FARSB: variants seen among roughly 807,000 people sequenced by gnomAD.
FARSB encodes phenylalanine--tRNA ligase beta subunit.
In FARSB, 40 loss-of-function variants were observed where a neutral mutation model predicts 69.6. The observed-to-expected ratio is 0.57, with a 90% confidence interval of 0.45 to 0.75. The LOEUF (loss-of-function observed/expected upper bound fraction) is 0.75. Among genes scored for constraint, FARSB ranks in the 30% least tolerant of loss-of-function variants. The pLI is 0.00. For missense variants in FARSB, 632 were observed against 722.9 expected (o/e 0.87, Z 1.44); for synonymous variants, 235 against 247.2 (o/e 0.95, Z 0.46).
At chr2:222,598,773 C>T (rs1489735280) in intron 16 of FARSB, among the ~76,000 whole-genome samples, 1 of 152,116 alleles carries the variant, frequency 6.6e-6, no homozygotes, top group Admixed American at 6.5e-5. Context: ...CTTTAACTTG[C>T]CTAACCCCAG....
In FARSB at chr2:222,628,741, G is replaced by C. The variant is rs148160473; in HGVS notation, c.900+96C>G. 2.3e-4 allele frequency: 187 copies of C among 796,290 alleles called. No individual in the cohort carries two copies. The African/African-American group carries it at 2.6e-3, about 11-fold the overall frequency. The allele number at this position is 796,290 out of a possible 1,614,324, so 49.3% of individuals were successfully genotyped here. On this transcript the variant is annotated intron_variant, in intron 10 of 16. Transcript: ENST00000281828. ...GTAGCGCCTGGCACACGGGTGGGTA[G>C]GTAGGGGATGGATAGACAGACAGAA... is the stretch of plus-strand genomic sequence containing the variant.
rs541650613 is a variant in FARSB at position 222,647,231 on chromosome 2, G to T, written c.114+1509C>A. Reference sequence around the variant, plus strand: ...AGGAGAGACAGAAGTTATGCCCACAGCTGATGGTCACTGGGTCTTTCAAGT... The same window carrying T: ...AGGAGAGACAGAAGTTATGCCCACATCTGATGGTCACTGGGTCTTTCAAGT... On this transcript the variant is annotated intron_variant, in intron 2 of 16. Coordinates refer to ENST00000281828, the MANE Select transcript of FARSB (RefSeq NM_005687.5). 7.9e-5 allele frequency among the ~76,000 whole-genome samples: 12 copies of T among 152,340 alleles called. No individual in the cohort carries two copies. The South Asian group carries it at 2.3e-3, about 29-fold the overall frequency.
In FARSB at chr2:222,569,533, A is replaced by T. The variant is rs1249292480; in HGVS notation, c.*2338T>A. ...AGTAAAATACTACATGTTACATTAC[A>T]TTCTTTTTCTCCCAGCTTTACAAAG... On this transcript the variant is annotated 3_prime_UTR_variant, in exon 17 of 17. Coordinates refer to ENST00000281828, the MANE Select transcript of FARSB (RefSeq NM_005687.5). 1 of 152,220 alleles carries T rather than the reference A, an allele frequency of 6.6e-6. No homozygotes were observed. The highest frequency in any genetic ancestry group is 1.5e-5 in the Non-Finnish European group (1 of 68,046). 9.4% of individuals were successfully genotyped at this position (152,220 alleles called of 1,614,324 possible).
At chr2:222,611,298 A>G (rs1041078726) in intron 15 of FARSB, among the ~76,000 whole-genome samples, 4 of 152,194 alleles carry the variant, frequency 2.6e-5, no homozygotes, top group African/African-American at 9.7e-5. Flanking sequence ...GATATAGAAG[A>G]GGTTTCCTAC....
chr2:222,631,988 C>G (rs867130621), intron 7 of FARSB, among the ~76,000 whole-genome samples: 39 of 151,722 alleles, frequency 2.6e-4, no homozygotes, highest in African/African-American at 9.2e-4. Context: ...AGGAGAATTG[C>G]TTGAACCCGG....
At chr2:222,579,635 A>T (rs934866469) in intron 16 of FARSB, among the ~76,000 whole-genome samples, 1 of 152,218 alleles carries the variant, frequency 6.6e-6, no homozygotes, top group Non-Finnish European at 1.5e-5. Flanking sequence ...AAACTCCTGC[A>T]AACTCTTAAA....
chr2:222,653,990 T>C (rs1183077063), intron 1 of FARSB, among the ~76,000 whole-genome samples: 2 of 150,910 alleles, frequency 1.3e-5, no homozygotes, highest in South Asian at 2.1e-4. Flanking sequence ...ACTGACAATA[T>C]GAAAAAAAAA....
intron 16 of FARSB, among the ~76,000 whole-genome samples, chr2:222,577,845 C>A (rs556400239): frequency 6.6e-6 from 1 of 152,126 alleles, no homozygotes; most frequent in Admixed American, 6.5e-5. Flanking sequence ...AGGGCAAATA[C>A]GAAATGATTA....
chr2:222,584,002 A>C (rs1690040008), intron 16 of FARSB, among the ~76,000 whole-genome samples: 1 of 152,250 alleles, frequency 6.6e-6, no homozygotes, highest in African/African-American at 2.4e-5. Context: ...TCTTCATAGC[A>C]GCATGAGAAC....
At chr2:222,625,986 C>T (rs1309577799) in intron 10 of FARSB, among the ~76,000 whole-genome samples, 2 of 152,114 alleles carry the variant, frequency 1.3e-5, no homozygotes, top group Non-Finnish European at 2.9e-5. Flanking sequence ...GTGGCTCACG[C>T]CTGTAATCCC....
At chr2:222,647,977 T>A (rs1306335915) in intron 2 of FARSB, among the ~76,000 whole-genome samples, 1 of 152,154 alleles carries the variant, frequency 6.6e-6, no homozygotes, top group African/African-American at 2.4e-5. Flanking sequence ...GGTTTTTTCC[T>A]AAGTTCCCAG....
At chr2:222,621,049 A>G (rs1250991579) in intron 13 of FARSB, among the ~76,000 whole-genome samples, 1 of 152,370 alleles carries the variant, frequency 6.6e-6, no homozygotes, top group Admixed American at 6.5e-5. Flanking sequence ...AAGAAGTTTT[A>G]CAGCAAGACT....
rs533337579 is a variant in FARSB, at chr2:222,590,221, T to C, written c.1618+9707A>G. The stretch of plus-strand genomic sequence containing the variant: ...CGAGTTCATGTCCTTTGTAGGGACA[T>C]GGATGAAACTGGAAACCATCATTCT... On this transcript the variant is annotated intron_variant, in intron 16 of 16. Coordinates refer to ENST00000281828, the MANE Select transcript of FARSB (RefSeq NM_005687.5). Among the ~76,000 whole-genome samples the C allele has an allele frequency of 3.4e-4, 52 of 152,208 alleles. 1 individual carries two copies. Among genetic ancestry groups the C allele is most frequent in the African/African-American group, 1.3e-3 (52 of 41,512 alleles).
chr2:222,589,583 A>G (rs569392670), intron 16 of FARSB, among the ~76,000 whole-genome samples: 6 of 150,978 alleles, frequency 4.0e-5, no homozygotes, highest in South Asian at 4.1e-4. Flanking sequence ...GGCAACCTAC[A>G]GAATGGGAGA....
rs1232696501 is a variant in FARSB, at chr2:222,568,227, T to A, written c.*3644A>T. 6.6e-6 allele frequency: 1 copy of A among 152,162 alleles called. No homozygotes were observed. Among genetic ancestry groups the A allele is most frequent in the Non-Finnish European group, 1.5e-5 (1 of 68,038 alleles). The allele number at this position is 152,162 out of a possible 1,614,324, so 9.4% of individuals were successfully genotyped here. ...AGATTAACTCAGTAAGGCCACAGTT[T>A]GCAGAGTTTTTTTAAAGTATTGGAC... On this transcript the variant is annotated 3_prime_UTR_variant, in exon 17 of 17. Coordinates refer to ENST00000281828, the MANE Select transcript of FARSB (RefSeq NM_005687.5). This position sits in a 1 kb window ranked among gnomAD's most constrained non-coding sequence, Gnocchi z 4.3.
At chr2:222,644,438 G>A (rs1053680239) in intron 2 of FARSB, 5 of 419,494 alleles carry the variant, frequency 1.2e-5, no homozygotes, top group Non-Finnish European at 2.5e-5. Context: ...GGAATGGGGA[G>A]AGGCAAAAAG....
chr2:222,587,846 T>C (rs1295139439), intron 16 of FARSB, among the ~76,000 whole-genome samples: 1 of 152,170 alleles, frequency 6.6e-6, no homozygotes, highest in Non-Finnish European at 1.5e-5. Flanking sequence ...TAACAGGCTC[T>C]GAAATTGAGG....
chr2:222,631,232 C>T (rs959990433), intron 8 of FARSB, among the ~76,000 whole-genome samples: 2 of 151,508 alleles, frequency 1.3e-5, no homozygotes, highest in East Asian at 1.9e-4. Context: ...CAAATTACTC[C>T]GCATATAAAT....
At chr2:222,606,393 G>T (rs1690705554) in intron 15 of FARSB, among the ~76,000 whole-genome samples, 1 of 152,100 alleles carries the variant, frequency 6.6e-6, no homozygotes, top group South Asian at 2.1e-4. Flanking sequence ...CACAAAATAA[G>T]AACTATTTAA....
Sources: gnomAD v4.1 joint callset for allele counts (sites outside exome capture counted in the v4.1 genomes callset) on GRCh38, gnomAD v4.1.1 for gene constraint, Gnocchi (gnomAD v3.1) non-coding constraint, MANE v1.5 for transcripts, NCBI Gene and HGNC (gene_info 2026-07-23, HGNC 2026-07-21) for gene names.